Variants in CEP78 observed in about 807,000 individuals in gnomAD.
CEP78 encodes centrosomal protein 78.
CEP78 carries 76 observed loss-of-function variants against 81.2 expected under a neutral mutation model. That is an observed-to-expected ratio of 0.94 (90% confidence interval 0.78 to 1.13). The LOEUF (loss-of-function observed/expected upper bound fraction) is 1.13, where lower values mean the gene tolerates loss of function less well. Among genes scored for constraint, CEP78 ranks in the 50% most tolerant of loss-of-function variants. The pLI is 0.00. For synonymous variants in CEP78, 293 were observed against 301.4 expected (o/e 0.97, Z 0.29); for missense variants, 918 against 846.8 (o/e 1.08, Z -1.04).
At chr9:78,262,122 C>A (rs184772664) in intron 11 of CEP78, among the ~76,000 whole-genome samples, 5 of 151,988 alleles carry the variant, frequency 3.3e-5, no homozygotes, top group African/African-American at 1.2e-4. Context: ...CCAAGAAAAA[C>A]GACCATTCAT....
At chr9:78,255,031 G>C in intron 11 of CEP78, 67 bp downstream of exon 11, 2 of 1,384,406 alleles carry the variant, frequency 1.4e-6, no homozygotes, top group Non-Finnish European at 2.0e-6. Context: ...TTTGGTGAAA[G>C]CTTGATTATG....
At chr9:78,245,264 A>T (rs888122397) in intron 5 of CEP78, among the ~76,000 whole-genome samples, 20 of 152,280 alleles carry the variant, frequency 1.3e-4, no homozygotes, top group African/African-American at 4.8e-4. Context: ...AAGAGAAGAC[A>T]TTCATTTCTC....
In CEP78 at chr9:78,245,759, G is replaced by C. The variant is rs112813512; in HGVS notation, c.779-910G>C. ...ACCTTTTACTTGAGAGAGAGTTCTTGACCATTATTTTTTCATGATAGGTTT... is the reference window on the plus strand; with the variant it reads ...ACCTTTTACTTGAGAGAGAGTTCTTCACCATTATTTTTTCATGATAGGTTT... On this transcript the variant is annotated intron_variant, in intron 5 of 16. Coordinates refer to ENST00000643273, the MANE Select transcript of CEP78 (RefSeq NM_001330691.3). Among the ~76,000 whole-genome samples, 50 of 152,078 alleles carry C rather than the reference G, an allele frequency of 3.3e-4. 1 individual carries two copies. The highest frequency in any genetic ancestry group is 6.2e-4 in the Non-Finnish European group (42 of 67,984).
At chr9:78,246,603 A>AAAAC (rs940929078) in intron 5 of CEP78, 66 bp from the exon 6 acceptor site, 42 of 1,084,484 alleles carry the variant, frequency 3.9e-5, no homozygotes, top group Admixed American at 1.8e-4. Flanking sequence ...CCGTCTCAAA[A>AAAAC]AAACAAACAA....
intron 8 of CEP78, among the ~76,000 whole-genome samples, chr9:78,251,610 G>A (rs181019654): frequency 6.4e-4 from 97 of 151,882 alleles, no homozygotes; most frequent in African/African-American, 2.1e-3. Flanking sequence ...TTACCTTTGC[G>A]TGCTCTGCAT....
Position 78,278,103 on chromosome 9 carries a change from A to C in CEP78, c.*7252A>C, listed in dbSNP as rs923636883. On this transcript the variant is annotated 3_prime_UTR_variant, in exon 17 of 17. Transcript: ENST00000643273. ...GCGGTTTTGTCTGCTGAAGGAGGAA[A>C]AAAGGGGGGCTTCTCACATTTTACT... The C allele has an allele frequency of 1.8e-4, 27 of 152,130 alleles. No individual in the cohort carries two copies. The highest frequency in any genetic ancestry group is 6.5e-4 in the African/African-American group (27 of 41,400). 9.4% of individuals were successfully genotyped at this position (152,130 alleles called of 1,614,324 possible).
At chr9:78,264,102 T>A (rs753443280) in intron 12 of CEP78, 48 bp from the exon 13 acceptor site, 2 of 1,286,744 alleles carry the variant, frequency 1.6e-6, no homozygotes, top group African/African-American at 3.1e-5. Context: ...ACTATTTTGG[T>A]GATAATGAGA....
chr9:78,236,109 C>A lies in CEP78; in HGVS notation c.-242C>A. On this transcript the variant is annotated 5_prime_UTR_variant, in exon 1 of 17. Coordinates refer to ENST00000643273, the MANE Select transcript of CEP78 (RefSeq NM_001330691.3). Reference sequence around the variant, plus strand: ...CCCGGCGCCTCAGAGGACTATGAGGCGGGCGCCAACTGCTTGGGCCGCAGG... The same window carrying A: ...CCCGGCGCCTCAGAGGACTATGAGGAGGGCGCCAACTGCTTGGGCCGCAGG... 1.9e-6 allele frequency: 1 copy of A among 527,932 alleles called. No homozygotes were observed. Among genetic ancestry groups the A allele is most frequent in the East Asian group, 3.5e-5 (1 of 28,630 alleles). The allele number at this position is 527,932 out of a possible 1,614,324, so 32.7% of individuals were successfully genotyped here.
chr9:78,248,411 G>A (rs1004533380), intron 7 of CEP78, 56 bp downstream of exon 7: 2 of 1,139,312 alleles, frequency 1.8e-6, no homozygotes, highest in Non-Finnish European at 2.6e-6. Flanking sequence ...TTTTCTTCTG[G>A]GATCTCACTG....
intron 9 of CEP78, 110 bp downstream of exon 9, chr9:78,252,153 T>G: frequency 1.1e-6 from 1 of 926,728 alleles, no homozygotes; most frequent in Non-Finnish European, 1.5e-6. Flanking sequence ...AGGGTAAAAA[T>G]GACTCATGTG....
At chr9:78,268,046 A>G (rs1235637366) in intron 16 of CEP78, among the ~76,000 whole-genome samples, 1 of 152,120 alleles carries the variant, frequency 6.6e-6, no homozygotes, top group East Asian at 1.9e-4. Flanking sequence ...GGGGAGATAC[A>G]CAAGCAGATG....
intron 5 of CEP78, 76 bp downstream of exon 5, chr9:78,243,712 ATGT>A (rs1206120802): frequency 8.3e-6 from 10 of 1,201,414 alleles, no homozygotes; most frequent in African/African-American, 4.7e-5. Context: ...TGGCACAGTA[ATGT>A]TGTCCGAAGG....
At chr9:78,268,582 A>C (rs1451118693) in intron 16 of CEP78, among the ~76,000 whole-genome samples, 1 of 152,118 alleles carries the variant, frequency 6.6e-6, no homozygotes, top group African/African-American at 2.4e-5. Context: ...TTTGATTTTT[A>C]AATGGGACTT....
rs1233349203 is a variant in CEP78, at chr9:78,266,464, C to A, written c.1868C>A (p.Ala623Asp). 6.2e-7 allele frequency: 1 copy of A among 1,605,286 alleles called. No individual in the cohort carries two copies. The highest frequency in any genetic ancestry group is 1.1e-5 in the South Asian group (1 of 89,936). The change falls in exon 16 of 17, where the codon GCT (alanine) becomes GAT (aspartate). Residue 623 changes from alanine to aspartate, a missense_variant. Transcript: ENST00000643273. ...TAGTTTCAGAAAATTACAGGTGATG[C>A]TAGAATTCCTTTGCCTCTCGACTCC... ...LMKFQKITGD[A>D]RIPLPLDSFP...
At chr9:78,258,906 C>A (rs886771774) in intron 11 of CEP78, among the ~76,000 whole-genome samples, 1 of 152,070 alleles carries the variant, frequency 6.6e-6, no homozygotes, top group Non-Finnish European at 1.5e-5. Flanking sequence ...CTGCTTACAC[C>A]GGAAGTATAA....
intron 12 of CEP78, 54 bp from the exon 13 acceptor site, chr9:78,264,096 T>G: frequency 8.0e-7 from 1 of 1,245,222 alleles, no homozygotes; most frequent in Non-Finnish European, 1.1e-6. Flanking sequence ...ATAAAAACTA[T>G]TTTGGTGATA....
chr9:78,268,680 CTTTT>C (rs1221969870), intron 16 of CEP78, among the ~76,000 whole-genome samples: 2 of 130,690 alleles, frequency 1.5e-5, no homozygotes, highest in African/African-American at 5.8e-5. Flanking sequence ...GGTTTCTTTT[CTTTT>C]TTTTTTTTTT....
At chr9:78,264,811 G>C (rs1418201225) in intron 13 of CEP78, among the ~76,000 whole-genome samples, 1 of 152,126 alleles carries the variant, frequency 6.6e-6, no homozygotes, top group East Asian at 1.9e-4. Context: ...TTAAAATTAA[G>C]TTTGAGATAT....
intron 13 of CEP78, among the ~76,000 whole-genome samples, chr9:78,264,713 A>G (rs1006635426): frequency 6.6e-6 from 1 of 152,014 alleles, no homozygotes; most frequent in Non-Finnish European, 1.5e-5. Flanking sequence ...CTTGTTAAAG[A>G]CCAAATTGAA....
Sources: allele counts gnomAD v4.1 joint callset (sites outside exome capture counted in the v4.1 genomes callset), GRCh38; gene constraint gnomAD v4.1.1; transcripts MANE v1.5; gene names NCBI Gene and HGNC (gene_info 2026-07-23, HGNC 2026-07-21).